The following JCAD variants were observed in gnomAD, a reference collection of about 807,000 sequenced individuals.
JCAD encodes junctional cadherin 5-associated protein.
In JCAD, 40 loss-of-function variants were observed where a neutral mutation model predicts 98.0. The ratio of observed to expected loss-of-function variants is 0.41; its 90% CI spans 0.32 to 0.53. JCAD has a LOEUF of 0.53. JCAD is among the 20% of genes least tolerant of loss of function. The probability of loss-of-function intolerance (pLI) is 0.31; values close to 1 mark genes in which losing one functional copy is unlikely to be tolerated. For synonymous variants in JCAD, 691 were observed against 682.3 expected (o/e 1.01, Z -0.20); for missense variants, 1,705 against 1,738.1 (o/e 0.98, Z 0.34).
chr10:30,112,347 C>T (rs968464328), intron 1 of JCAD, among the ~76,000 whole-genome samples: 6 of 151,870 alleles, frequency 4.0e-5, no homozygotes, highest in Admixed American at 2.0e-4. Flanking sequence ...GGTACAACAG[C>T]ATGCACCTGT....
At chr10:30,023,131 G>A (rs1035625386) in intron 3 of JCAD, among the ~76,000 whole-genome samples, 1 of 151,944 alleles carries the variant, frequency 6.6e-6, no homozygotes, top group African/African-American at 2.4e-5. Flanking sequence ...TCTGGCTCCC[G>A]GGTTTAAGCA....
At chr10:30,061,637 C>T (rs1365628473), upstream of JCAD, among the ~76,000 whole-genome samples, 1 of 151,696 alleles carries the variant, frequency 6.6e-6, no homozygotes, top group Non-Finnish European at 1.5e-5. Flanking sequence ...CCAGGGAAGA[C>T]TTTGAAGGAC....
rs1041735116 is a variant in JCAD, at chr10:30,105,091, C to G, written n.128+10276G>C. On this transcript the variant is annotated intron_variant and non_coding_transcript_variant, in intron 1 of 2. Transcript: ENST00000465712. The stretch of plus-strand genomic sequence containing the variant: ...AGAAAGAGGCAGGTTGTAGGAACAT[C>G]TAGGTCACTTTTATTCCTAAATGCA... Among the ~76,000 whole-genome samples the G allele has an allele frequency of 2.0e-5, 3 of 152,188 alleles. 1 individual carries two copies. Among genetic ancestry groups the G allele is most frequent in the Admixed American group, 2.0e-4 (3 of 15,278 alleles).
chr10:30,013,606 C>T lies in JCAD; in HGVS notation c.*4277G>A, dbSNP rs12764302. The stretch of plus-strand genomic sequence containing the variant: ...AATGTCTCACATCTCGGCTCTGCTG[C>T]GGGGCAGGGGTGAAGGGAGGTGGAA... On this transcript the variant is annotated 3_prime_UTR_variant, in exon 4 of 4. Coordinates refer to ENST00000375377, the MANE Select transcript of JCAD (RefSeq NM_020848.4). 6,607 of 152,306 alleles carry T rather than the reference C, an allele frequency of 0.043. 163 individuals carry two copies. The highest frequency in any genetic ancestry group is 0.049 in the Non-Finnish European group (3,304 of 68,076). 9.4% of individuals were successfully genotyped at this position (152,306 alleles called of 1,614,324 possible). A position where few individuals can be genotyped will look rare whatever the true frequency, so the allele number is the denominator to read the frequency against.
At chr10:30,022,039 C>T (rs1414022005) in intron 3 of JCAD, among the ~76,000 whole-genome samples, 3 of 152,154 alleles carry the variant, frequency 2.0e-5, no homozygotes, top group Admixed American at 1.3e-4. Flanking sequence ...GATGATGGAA[C>T]CAGGAGGTTC....
At chr10:30,110,160 A>AGCTGATGTATGGACCC (rs921224419) in intron 1 of JCAD, among the ~76,000 whole-genome samples, 1 of 148,600 alleles carries the variant, frequency 6.7e-6, no homozygotes, top group African/African-American at 2.6e-5. Context: ...TGATGTGTGC[A>AGCTGATGTATGGACCC]GCTGATGTAT....
intron 1 of JCAD, among the ~76,000 whole-genome samples, chr10:30,054,793 C>G (rs1320742159): frequency 2.0e-5 from 3 of 151,628 alleles, no homozygotes; most frequent in Non-Finnish European, 4.4e-5. Context: ...CCTCAGCCTC[C>G]GGAGTAGCTG....
At position 30,014,301 on chromosome 10, in the gene JCAD, AC is replaced by A. The variant is rs895481644; in HGVS notation, c.*3581del. 1 of 152,146 alleles carries A rather than the reference AC, an allele frequency of 6.6e-6. No individual in the cohort carries two copies. The highest frequency in any genetic ancestry group is 1.5e-5 in the Non-Finnish European group (1 of 68,026). The allele number at this position is 152,146 out of a possible 1,614,324, so 9.4% of individuals were successfully genotyped here. On this transcript the variant is annotated 3_prime_UTR_variant, in exon 4 of 4. Transcript: ENST00000375377. ...GGCTTAAGAAACACACTCCCACCCC[AC>A]ATCCCGTCTTTTAAGCTTCATCTCC...
chr10:30,052,152 G>T (rs1251253592), intron 1 of JCAD, among the ~76,000 whole-genome samples: 1 of 152,172 alleles, frequency 6.6e-6, no homozygotes, highest in Non-Finnish European at 1.5e-5. Flanking sequence ...TGCTGTTAAC[G>T]ATCCACTGAC....
At position 30,017,816 on chromosome 10, in the gene JCAD, G is replaced by A; in HGVS notation, c.*67C>T. The A allele has an allele frequency of 7.0e-7, 1 of 1,437,272 alleles. No homozygotes were observed. Among genetic ancestry groups the A allele is most frequent in the African/African-American group, 1.4e-5 (1 of 72,294 alleles). The allele number at this position is 1,437,272 out of a possible 1,614,324, so 89.0% of individuals were successfully genotyped here. A position where few individuals can be genotyped will look rare whatever the true frequency, so the allele number is the denominator to read the frequency against. On this transcript the variant is annotated 3_prime_UTR_variant, in exon 4 of 4. Transcript: ENST00000375377. ...TCTACATGGGGAAGTGGGGCTGATA[G>A]ACTAAATCTACCAGCTACTTGAGAA...
At chr10:30,047,114 C>T (rs1837353609) in intron 2 of JCAD, among the ~76,000 whole-genome samples, 1 of 152,080 alleles carries the variant, frequency 6.6e-6, no homozygotes, top group Non-Finnish European at 1.5e-5. Context: ...TGCAGTGGCT[C>T]ACTAATCCCA....
At chr10:30,053,636 G>A (rs988498011) in intron 1 of JCAD, among the ~76,000 whole-genome samples, 1 of 151,742 alleles carries the variant, frequency 6.6e-6, no homozygotes, top group African/African-American at 2.4e-5. Flanking sequence ...AAACCCTATG[G>A]AATAATCTCA....
At chr10:30,062,854 G>C (rs2132662395), upstream of JCAD, among the ~76,000 whole-genome samples, 1 of 152,294 alleles carries the variant, frequency 6.6e-6, no homozygotes, top group East Asian at 1.9e-4. Context: ...TACAACCCAA[G>C]GTGAGATTTG....
At position 30,054,675 on chromosome 10, in the gene JCAD, C is replaced by CTTTTTT. The variant is rs34992036; in HGVS notation, c.-60+4801_-60+4806dup. On this transcript the variant is annotated intron_variant, in intron 1 of 3. Transcript: ENST00000375377. Reference sequence around the variant, plus strand: ...CTTAGGTTAGATGAGGAAAATGCATCTTTTTTTTTTTTTGAGACGGAGTCT... The same window carrying CTTTTTT: ...CTTAGGTTAGATGAGGAAAATGCATCTTTTTTTTTTTTTTTTTTTGAGACGGAGTCT... Among the ~76,000 whole-genome samples the CTTTTTT allele has an allele frequency of 4.3e-3, 626 of 146,666 alleles. 7 individuals carry two copies. In the South Asian group the frequency reaches 0.045, roughly 11 times the overall value.
intron 2 of JCAD, among the ~76,000 whole-genome samples, chr10:30,042,440 A>T (rs1837260767): frequency 6.6e-6 from 1 of 152,164 alleles, no homozygotes. Flanking sequence ...TTTTTTCAAA[A>T]GTTTCAACTA....
intron 2 of JCAD, among the ~76,000 whole-genome samples, chr10:30,033,476 T>C (rs1422723939): frequency 2.0e-5 from 3 of 152,218 alleles, no homozygotes; most frequent in African/African-American, 7.2e-5. Flanking sequence ...ACTATCCAAT[T>C]TATAGTCCCT....
intron 2 of JCAD, among the ~76,000 whole-genome samples, chr10:30,041,834 C>T (rs1225892983): frequency 6.6e-6 from 1 of 152,184 alleles, no homozygotes; most frequent in African/African-American, 2.4e-5. Context: ...TTAAGGAAAC[C>T]CTGAGTGCCT....
chr10:30,036,244 G>T (rs576007554), intron 2 of JCAD, among the ~76,000 whole-genome samples: 38 of 152,280 alleles, frequency 2.5e-4, no homozygotes, highest in African/African-American at 8.9e-4. Flanking sequence ...AGTAGTTCAA[G>T]ACCAGCCTGA....
In JCAD at chr10:30,029,913, T is replaced by G. The variant is rs1395859722; in HGVS notation, c.282-47A>C. The G allele has an allele frequency of 3.4e-5, 52 of 1,536,050 alleles. No homozygotes were observed. In the Admixed American group the frequency reaches 1.1e-3, roughly 32 times the overall value. On this transcript the variant is annotated intron_variant, in intron 2 of 3. Transcript: ENST00000375377. ...ACGTTAGGCACAGAAGAAACATGTC[T>G]TCATCTGCTTCTGTGACTGGCATTC...
Sources: gnomAD v4.1 joint callset for allele counts (sites outside exome capture counted in the v4.1 genomes callset) on GRCh38, gnomAD v4.1.1 for gene constraint, MANE v1.5 for transcripts, NCBI Gene and HGNC (gene_info 2026-07-23, HGNC 2026-07-21) for gene names.